Variants in STPG1 observed in about 807,000 individuals in gnomAD.
STPG1 encodes the protein sperm tail PG-rich repeat containing 1, also known as O(6)-methylguanine-induced apoptosis 2.
In STPG1, 33 loss-of-function variants were observed where a neutral mutation model predicts 40.1. The ratio of observed to expected loss-of-function variants is 0.82; its 90% CI spans 0.62 to 1.10. STPG1 has a LOEUF of 1.10. STPG1 is among the 50% of genes least tolerant of loss of function. The pLI, the probability that STPG1 is intolerant of heterozygous loss-of-function variation, is 0.00. For synonymous variants in STPG1, 150 were observed against 155.0 expected, an observed-to-expected ratio of 0.97 and a Z score of 0.24; for missense variants, 396 against 415.1, an observed-to-expected ratio of 0.95 and a Z score of 0.40.
intron 2 of STPG1, among the ~76,000 whole-genome samples, chr1:24,396,638 G>A (rs531511711): frequency 2.5e-4 from 38 of 152,248 alleles, no homozygotes; most frequent in African/African-American, 9.2e-4. Context: ...GTCAGATTTG[G>A]TCCAAGGAGC....
Position 24,379,803 on chromosome 1 carries a change from G to A in STPG1, c.312C>T (p.Ile104=). Residue 104 remains isoleucine (I), a synonymous_variant, in exon 5 of 9, where the codon ATC becomes ATT. Transcript: ENST00000337248. ...CATTCGCTGCAGGGTATTTAGAAAT[G>A]ATGGTGTCCAATCGGGCGCACTGTA... is the stretch of plus-strand genomic sequence containing the variant. ...FPSMCARLDT[I]ISKYPAANAY... is the part of the protein sequence containing the mutation. 2 of 1,614,018 alleles carry A rather than the reference G, an allele frequency of 1.2e-6. No homozygotes were observed. The highest frequency in any genetic ancestry group is 1.7e-6 in the Non-Finnish European group (2 of 1,179,858).
chr1:24,413,328 C>CCT (rs1643819212), intron 1 of STPG1, among the ~76,000 whole-genome samples: 1 of 152,226 alleles, frequency 6.6e-6, no homozygotes, highest in South Asian at 2.1e-4. Flanking sequence ...AGGTCTTTGG[C>CCT]GTCCACCCAC....
In STPG1 at chr1:24,401,249, C is replaced by A. The variant is rs528080222; in HGVS notation, c.70+70G>T. On this transcript the variant is annotated intron_variant, in intron 2 of 8. Coordinates refer to ENST00000337248, the MANE Select transcript of STPG1 (RefSeq NM_001199013.2). The stretch of plus-strand genomic sequence containing the variant: ...ATAACCCAGGACTTACTATTCCCCC[C>A]AAATTTGCTCTTATGTACTAAAATA... The A allele has an allele frequency of 7.6e-5, 107 of 1,407,886 alleles. No individual in the cohort carries two copies. The African/African-American group carries it at 1.3e-3, about 17-fold the overall frequency. The allele number at this position is 1,407,886 out of a possible 1,614,324, so 87.2% of individuals were successfully genotyped here. A position where few individuals can be genotyped will look rare whatever the true frequency, so the allele number is the denominator to read the frequency against.
At chr1:24,374,566 G>GT (rs937783626) in intron 5 of STPG1, among the ~76,000 whole-genome samples, 14 of 146,748 alleles carry the variant, frequency 9.5e-5, no homozygotes, top group East Asian at 6.2e-4. Flanking sequence ...GCCGGAAAGT[G>GT]TTTTTTTTTA....
At chr1:24,369,367 T>C (rs1274477058) in intron 7 of STPG1, 2 of 529,132 alleles carry the variant, frequency 3.8e-6, no homozygotes, top group Admixed American at 2.3e-5. Flanking sequence ...TGTGTGGACT[T>C]GGGCAAATGT....
In STPG1 at chr1:24,357,576, G is replaced by C. The variant is rs763502393; in HGVS notation, c.*967C>G. The C allele has an allele frequency of 1.9e-5, 3 of 157,058 alleles. No individual in the cohort carries two copies. The highest frequency in any genetic ancestry group is 4.3e-5 in the Non-Finnish European group (3 of 70,354). 9.7% of individuals were successfully genotyped at this position (157,058 alleles called of 1,614,324 possible). ...AGGCTGAGAACCACTTCTCTGGAGA[G>C]GCCACAGTTGTACAGGCCTTGGAGG... On this transcript the variant is annotated 3_prime_UTR_variant, in exon 9 of 9. Transcript: ENST00000337248.
chr1:24,410,826 G>C (rs1340842151), intron 1 of STPG1: 2 of 152,188 alleles, frequency 1.3e-5, no homozygotes, highest in Non-Finnish European at 2.9e-5. Context: ...ATCTAAGAAA[G>C]AGCAGTGAAG....
chr1:24,379,726 C>T lies in STPG1; in HGVS notation c.389G>A (p.Cys130Tyr), dbSNP rs1445471166. ...GCTTGGCAACTGGAACATGCTGGAA[C>T]ACGAATTACTAAAGTCTCTCTTGGA... ...FISKRDFSNS[C>Y]SSMFQLPSFM... Residue 130 changes from cysteine (C) to tyrosine (Y), a missense_variant, in exon 5 of 9, where the codon TGT becomes TAT. Transcript: ENST00000337248. 1.2e-6 allele frequency: 2 copies of T among 1,614,170 alleles called. No individual in the cohort carries two copies. Among genetic ancestry groups the T allele is most frequent in the South Asian group, 1.1e-5 (1 of 91,080 alleles).
chr1:24,359,386 C>A lies in STPG1; in HGVS notation c.929-767G>T, dbSNP rs1275434696. Among the ~76,000 whole-genome samples, 1 of 152,244 alleles carries A rather than the reference C, an allele frequency of 6.6e-6. No individual in the cohort carries two copies. Among genetic ancestry groups the A allele is most frequent in the Admixed American group, 6.5e-5 (1 of 15,286 alleles). On this transcript the variant is annotated intron_variant, in intron 8 of 8. Coordinates refer to ENST00000337248, the MANE Select transcript of STPG1 (RefSeq NM_001199013.2). The surrounding 1 kb of genome is among the most constrained non-coding windows in gnomAD (Gnocchi z 5.3). ...AAGCAGGATCCCTGCCTATGCCCTA[C>A]CCTCTCTGGAGCTCACCCCTTGTAT...
chr1:24,373,758 A>T lies in STPG1; in HGVS notation c.515T>A (p.Phe172Tyr), dbSNP rs1641865636. Residue 172 changes from phenylalanine to tyrosine, a missense_variant, in exon 6 of 9, where the codon TTT (phenylalanine) becomes TAT (tyrosine). Transcript: ENST00000337248. The stretch of plus-strand genomic sequence containing the variant: ...AGATCCTCTTTGGGTTTTTGACATA[A>T]ACCCGGCTCGAGTACAGACGTTGTT... ...QRNNVCTRAGFMSKTQRGSFA... is the reference protein window; with the variant it reads ...QRNNVCTRAGYMSKTQRGSFA... The T allele has an allele frequency of 6.2e-7, 1 of 1,612,874 alleles. No homozygotes were observed. The highest frequency in any genetic ancestry group is 1.1e-5 in the South Asian group (1 of 91,060).
Position 24,358,082 on chromosome 1 carries a change from T to C in STPG1, c.*461A>G, listed in dbSNP as rs1640839471. The C allele has an allele frequency of 2.6e-6, 1 of 389,804 alleles. No homozygotes were observed. The highest frequency in any genetic ancestry group is 5.2e-6 in the Non-Finnish European group (1 of 193,024). The allele number at this position is 389,804 out of a possible 1,614,324, so 24.1% of individuals were successfully genotyped here. On this transcript the variant is annotated 3_prime_UTR_variant, in exon 9 of 9. Coordinates refer to ENST00000337248, the MANE Select transcript of STPG1 (RefSeq NM_001199013.2). Reference sequence around the variant, plus strand: ...GTGAGTGAGGTCAGAAAGGGACAAATGAGAAAGGCAGGAGTGAGGGAATGA... The same window carrying C: ...GTGAGTGAGGTCAGAAAGGGACAAACGAGAAAGGCAGGAGTGAGGGAATGA...
Position 24,357,673 on chromosome 1 carries a change from G to C in STPG1, c.*870C>G, listed in dbSNP as rs995476516. The C allele has an allele frequency of 6.0e-6, 1 of 166,734 alleles. No homozygotes were observed. Among genetic ancestry groups the C allele is most frequent in the African/African-American group, 2.4e-5 (1 of 41,600 alleles). The allele number at this position is 166,734 out of a possible 1,614,324, so 10.3% of individuals were successfully genotyped here. On this transcript the variant is annotated 3_prime_UTR_variant, in exon 9 of 9. Coordinates refer to ENST00000337248, the MANE Select transcript of STPG1 (RefSeq NM_001199013.2). The stretch of plus-strand genomic sequence containing the variant: ...AAACAGCGTCAGTCAAAGCCTGCTG[G>C]GAGATCAGAAAAGGAGCCTGGCAGC...
rs1302903959 is a variant in STPG1 at position 24,358,331 on chromosome 1, G to C, written c.*212C>G. On this transcript the variant is annotated 3_prime_UTR_variant, in exon 9 of 9. Transcript: ENST00000337248. ...GCTCAGGAAGCCACTGGAGTCTGTG[G>C]GGCTGGGGTGAAGTCTCCAGGGAGC... 4 of 689,852 alleles carry C rather than the reference G, an allele frequency of 5.8e-6. No individual in the cohort carries two copies. Among genetic ancestry groups the C allele is most frequent in the Non-Finnish European group, 2.7e-6 (1 of 376,514 alleles). The allele number at this position is 689,852 out of a possible 1,614,324, so 42.7% of individuals were successfully genotyped here.
intron 1 of STPG1, among the ~76,000 whole-genome samples, chr1:24,411,264 G>A (rs1570115215): frequency 6.6e-6 from 1 of 152,224 alleles, no homozygotes; most frequent in Non-Finnish European, 1.5e-5. Flanking sequence ...TAAGTTTGGT[G>A]GGGGGTTAAG....
Position 24,380,523 on chromosome 1 carries a change from C to T in STPG1, c.292-700G>A, listed in dbSNP as rs114225430. Among the ~76,000 whole-genome samples the T allele has an allele frequency of 5.6e-3, 853 of 152,226 alleles. 9 individuals carry two copies. Among genetic ancestry groups the T allele is most frequent in the African/African-American group, 0.02 (824 of 41,538 alleles). On this transcript the variant is annotated intron_variant, in intron 4 of 8. Transcript: ENST00000337248. The stretch of plus-strand genomic sequence containing the variant: ...TGGCAAGTATTGGAGTCTGATAAAA[C>T]AAAAAATTTCCCACTATTTAATGGT...
chr1:24,381,552 C>A (rs1337356797), intron 4 of STPG1, among the ~76,000 whole-genome samples: 1 of 152,230 alleles, frequency 6.6e-6, no homozygotes, highest in Non-Finnish European at 1.5e-5. Flanking sequence ...TACACTTCTC[C>A]TAGTCAGTCC....
rs150470487 is a variant in STPG1, at chr1:24,381,256, C to T, written c.292-1433G>A. Reference sequence around the variant, plus strand: ...TAGACTCTTTTTTGGTTTAGAACACCTACAACTTACATTTTGAAAATGAAA... The same window carrying T: ...TAGACTCTTTTTTGGTTTAGAACACTTACAACTTACATTTTGAAAATGAAA... On this transcript the variant is annotated intron_variant, in intron 4 of 8. Coordinates refer to ENST00000337248, the MANE Select transcript of STPG1 (RefSeq NM_001199013.2). 3.1e-3 allele frequency among the ~76,000 whole-genome samples: 468 copies of T among 152,296 alleles called. 1 individual carries two copies. The highest frequency in any genetic ancestry group is 0.011 in the African/African-American group (455 of 41,558).
At chr1:24,398,874 G>A (rs768943349) in intron 2 of STPG1, among the ~76,000 whole-genome samples, 6 of 152,084 alleles carry the variant, frequency 3.9e-5, no homozygotes, top group Non-Finnish European at 8.8e-5. Flanking sequence ...GATTAGAGAA[G>A]TTAATATTTA....
At chr1:24,364,664 T>A (rs930906306) in intron 7 of STPG1, among the ~76,000 whole-genome samples, 2 of 152,250 alleles carry the variant, frequency 1.3e-5, no homozygotes, top group Non-Finnish European at 1.5e-5. Flanking sequence ...TTCATCCTCA[T>A]CCAGGGCTGG....
Sources: gnomAD v4.1 joint callset for allele counts (sites outside exome capture counted in the v4.1 genomes callset) on GRCh38, gnomAD v4.1.1 for gene constraint, Gnocchi (gnomAD v3.1) non-coding constraint, MANE v1.5 for transcripts, NCBI Gene and HGNC (gene_info 2026-07-23, HGNC 2026-07-21) for gene names.